Variants in ASAP2 observed in about 807,000 individuals in gnomAD.
ASAP2 encodes ArfGAP with SH3 domain, ankyrin repeat and PH domain 2, also known as arf-GAP with SH3 domain, ANK repeat and PH domain-containing protein 2.
Under a neutral mutation model 131.4 loss-of-function variants are expected in ASAP2, and 45 were observed. The ratio of observed to expected loss-of-function variants is 0.34; its 90% CI spans 0.27 to 0.44. The LOEUF (loss-of-function observed/expected upper bound fraction) is 0.44. Ranked by LOEUF, ASAP2 falls within the 20% of genes least tolerant of loss-of-function variation. The pLI, the probability that ASAP2 is intolerant of heterozygous loss-of-function variation, is 1.00. For missense variants in ASAP2, 1,011 were observed against 1,297.0 expected (o/e 0.78, Z 3.39); for synonymous variants, 510 against 503.0 (o/e 1.01, Z -0.19).
In ASAP2 at chr2:9,405,353, T is replaced by C. The variant is rs1677128871; in HGVS notation, c.*2026T>C. 6.6e-6 allele frequency: 1 copy of C among 152,644 alleles called. No homozygotes were observed. The highest frequency in any genetic ancestry group is 6.5e-5 in the Admixed American group (1 of 15,282). The allele number at this position is 152,644 out of a possible 1,614,324, so 9.5% of individuals were successfully genotyped here. A position where few individuals can be genotyped will look rare whatever the true frequency, so the allele number is the denominator to read the frequency against. On this transcript the variant is annotated 3_prime_UTR_variant, in exon 28 of 28. Transcript: ENST00000281419. ...AAGTTTATGTTTCATGAACTGCAGC[T>C]GCAGGATTCTGGCATTTTGCATGCC...
intron 1 of ASAP2, among the ~76,000 whole-genome samples, chr2:9,220,240 T>C (rs1340898341): frequency 1.3e-5 from 2 of 152,246 alleles, no homozygotes; most frequent in African/African-American, 4.8e-5. Flanking sequence ...AATTGCTAAG[T>C]CACTTTAACT....
chr2:9,278,809 AC>A (rs1371997893), intron 1 of ASAP2, among the ~76,000 whole-genome samples: 2 of 152,090 alleles, frequency 1.3e-5, no homozygotes, highest in African/African-American at 2.4e-5. Flanking sequence ...AAGCAATAGG[AC>A]CCGTCTTCTA....
At chr2:9,294,601 G>A (rs1429408620) in intron 2 of ASAP2, among the ~76,000 whole-genome samples, 1 of 152,218 alleles carries the variant, frequency 6.6e-6, no homozygotes, top group African/African-American at 2.4e-5. Context: ...CCAACTCTTA[G>A]TGCTCAGGTT....
At chr2:9,334,984 G>T in intron 8 of ASAP2, 109 bp from the exon 9 acceptor site, 2 of 1,366,242 alleles carry the variant, frequency 1.5e-6, no homozygotes, top group Non-Finnish European at 1.0e-6. Context: ...TGACCAGCGA[G>T]GGAGGCAGTT....
At chr2:9,388,645 G>T in intron 22 of ASAP2, 99 bp downstream of exon 22, 1 of 1,480,066 alleles carries the variant, frequency 6.8e-7, no homozygotes, top group Non-Finnish European at 9.0e-7. Flanking sequence ...TGACCTTTGG[G>T]CTCTTTTGTT....
chr2:9,296,151 G>A (rs13384955), intron 2 of ASAP2, among the ~76,000 whole-genome samples: 14,059 of 152,292 alleles, frequency 0.092, 669 homozygotes, highest in African/African-American at 0.13. Flanking sequence ...GCCCTGTTGT[G>A]CCTGTAAATA....
intron 3 of ASAP2, among the ~76,000 whole-genome samples, chr2:9,302,538 G>A (rs1668567225): frequency 6.8e-6 from 1 of 147,554 alleles, no homozygotes; most frequent in African/African-American, 2.5e-5. Flanking sequence ...GCAGTGGCAC[G>A]ATCTTGGCTC....
At chr2:9,228,022 G>A (rs1319087480) in intron 1 of ASAP2, among the ~76,000 whole-genome samples, 1 of 152,204 alleles carries the variant, frequency 6.6e-6, no homozygotes, top group Non-Finnish European at 1.5e-5. Flanking sequence ...GATAATAGCA[G>A]CGAGATCGGA....
intron 24 of ASAP2, among the ~76,000 whole-genome samples, chr2:9,396,081 T>C (rs1362033785): frequency 1.3e-5 from 2 of 152,128 alleles, no homozygotes; most frequent in African/African-American, 4.8e-5. Context: ...GGGCAGCGGC[T>C]AAGGCTACTC....
chr2:9,339,624 G>T (rs908370964), intron 9 of ASAP2, among the ~76,000 whole-genome samples: 1 of 152,058 alleles, frequency 6.6e-6, no homozygotes, highest in African/African-American at 2.4e-5. Context: ...ATGGTGTCGC[G>T]CTCTTAGAGG....
intron 1 of ASAP2, among the ~76,000 whole-genome samples, chr2:9,260,390 C>T (rs1415571706): frequency 6.6e-6 from 1 of 151,502 alleles, no homozygotes; most frequent in Non-Finnish European, 1.5e-5. Context: ...CATTCCCCCT[C>T]TCCCATCACC....
Position 9,363,450 on chromosome 2 carries a change from A to C in ASAP2, c.1461+4561A>C, listed in dbSNP as rs77056688. Reference sequence around the variant, plus strand: ...CTCCACATCCCTGCCAACACTTGCTATCTTTTGTCTTTTTGATAAAAGCCA... The same window carrying C: ...CTCCACATCCCTGCCAACACTTGCTCTCTTTTGTCTTTTTGATAAAAGCCA... On this transcript the variant is annotated intron_variant, in intron 15 of 27. Transcript: ENST00000281419. Among the ~76,000 whole-genome samples, 133 of 152,252 alleles carry C rather than the reference A, an allele frequency of 8.7e-4. 1 individual carries two copies. The East Asian group carries it at 0.023, about 26-fold the overall frequency.
intron 2 of ASAP2, among the ~76,000 whole-genome samples, chr2:9,286,447 A>AAAATAT (rs58605449): frequency 6.3e-4 from 93 of 148,490 alleles, no homozygotes; most frequent in African/African-American, 2.3e-3. Context: ...GAAAAAAAAA[A>AAAATAT]ATATATATAT....
In ASAP2 at chr2:9,350,812, A is replaced by T. The variant is rs1672283249; in HGVS notation, c.1028A>T (p.Asn343Ile). The stretch of plus-strand genomic sequence containing the variant: ...TTGTTTTTTGCTTTTAAACAGGCTA[A>T]CCGGCCTCCTGCAAAGCTCAACCTG... ...GFLTISHGTA[N>I]RPPAKLNLLT... is the part of the protein sequence containing the mutation. Residue 343 changes from asparagine to isoleucine, a missense_variant, in exon 12 of 28, where the codon AAC (asparagine) becomes ATC (isoleucine). Around this residue, in one of 2 missense-constraint regions of ASAP2, gnomAD observed 359 missense variants for 598.1 expected, o/e 0.60. Transcript: ENST00000281419. The T allele has an allele frequency of 6.2e-7, 1 of 1,613,060 alleles. No individual in the cohort carries two copies. The highest frequency in any genetic ancestry group is 8.5e-7 in the Non-Finnish European group (1 of 1,179,452).
chr2:9,229,883 G>T (rs6755900), intron 1 of ASAP2, among the ~76,000 whole-genome samples: 39,293 of 151,880 alleles, frequency 0.26, 5,410 homozygotes, highest in African/African-American at 0.34. Flanking sequence ...GCTGTTGGGG[G>T]CATTTGTGGG....
intron 21 of ASAP2, among the ~76,000 whole-genome samples, chr2:9,387,200 A>C (rs1000247168): frequency 6.5e-5 from 8 of 123,482 alleles, no homozygotes; most frequent in Admixed American, 2.3e-4. Flanking sequence ...GGCAACAGAG[A>C]GAGACTCTGT....
At chr2:9,397,623 G>A (rs1676247243) in intron 24 of ASAP2, among the ~76,000 whole-genome samples, 1 of 150,322 alleles carries the variant, frequency 6.7e-6, no homozygotes, top group Admixed American at 6.6e-5. Context: ...GCAAACTATG[G>A]CTCACAGGCC....
At chr2:9,383,879 T>C (rs1675060340) in intron 20 of ASAP2, among the ~76,000 whole-genome samples, 1 of 152,158 alleles carries the variant, frequency 6.6e-6, no homozygotes, top group Admixed American at 6.5e-5. Context: ...TGAATGAAAC[T>C]GGAAACCATC....
intron 27 of ASAP2, among the ~76,000 whole-genome samples, chr2:9,401,975 C>G (rs1676725144): frequency 6.6e-6 from 1 of 152,170 alleles, no homozygotes; most frequent in Non-Finnish European, 1.5e-5. Flanking sequence ...TGAGCACCCA[C>G]TAAGCGGCAG....
Sources: gnomAD v4.1 joint callset for allele counts (sites outside exome capture counted in the v4.1 genomes callset) on GRCh38, gnomAD v4.1.1 for gene constraint, gnomAD v4.1.1 regional missense constraint, MANE v1.5 for transcripts, NCBI Gene and HGNC (gene_info 2026-07-23, HGNC 2026-07-21) for gene names.